Variants in ASTN2 observed in about 807,000 individuals in gnomAD.
The protein encoded by ASTN2 is astrotactin-2.
In ASTN2, 54 loss-of-function variants were observed where a neutral mutation model predicts 139.8. The ratio of observed to expected loss-of-function variants is 0.39; its 90% CI spans 0.31 to 0.48. The LOEUF (loss-of-function observed/expected upper bound fraction) is 0.48. Among genes scored for constraint, ASTN2 ranks in the 20% least tolerant of loss-of-function variants. The pLI, the probability that ASTN2 is intolerant of heterozygous loss-of-function variation, is 0.95. For missense variants in ASTN2, 1,565 were observed against 1,725.1 expected (o/e 0.91, Z 1.64); for synonymous variants, 756 against 719.5 (o/e 1.05, Z -0.81).
chr9:116,874,495 A>G (rs1833246273), intron 10 of ASTN2, among the ~76,000 whole-genome samples: 1 of 152,220 alleles, frequency 6.6e-6, no homozygotes, highest in African/African-American at 2.4e-5. Flanking sequence ...AGTCTTTAGA[A>G]CAAAGAGAAA....
chr9:117,072,054 T>G (rs1299787476), intron 5 of ASTN2, among the ~76,000 whole-genome samples: 1 of 152,110 alleles, frequency 6.6e-6, no homozygotes, highest in East Asian at 1.9e-4. Flanking sequence ...TTTTACAGAT[T>G]AAGACATTGA....
chr9:117,107,236 T>C (rs979658979), intron 4 of ASTN2, among the ~76,000 whole-genome samples: 1 of 152,204 alleles, frequency 6.6e-6, no homozygotes, highest in Non-Finnish European at 1.5e-5. Context: ...TTTTACATTG[T>C]TTCCAGTTTT....
chr9:117,336,162 G>C (rs1389980577), intron 1 of ASTN2, among the ~76,000 whole-genome samples: 1 of 152,122 alleles, frequency 6.6e-6, no homozygotes, highest in Non-Finnish European at 1.5e-5. Context: ...GGAGGTGCTG[G>C]GGAATGGTAA....
At chr9:117,376,737 TATG>T (rs777295644) in intron 1 of ASTN2, among the ~76,000 whole-genome samples, 11 of 152,168 alleles carry the variant, frequency 7.2e-5, no homozygotes, top group Non-Finnish European at 1.3e-4. Flanking sequence ...AAATCGGGGC[TATG>T]ATGTTTTCTT....
intron 9 of ASTN2, 137 bp from the exon 10 acceptor site, chr9:116,975,482 T>C (rs1417903504): frequency 1.5e-5 from 13 of 857,174 alleles, no homozygotes; most frequent in Non-Finnish European, 1.8e-5. Flanking sequence ...TAAGGAACAA[T>C]GTTGGCCAAC....
intron 19 of ASTN2, among the ~76,000 whole-genome samples, chr9:116,600,972 G>T (rs1854866790): frequency 6.6e-6 from 1 of 152,122 alleles, no homozygotes; most frequent in Admixed American, 6.5e-5. Flanking sequence ...TTAAAAAAAA[G>T]ATAAATATAA....
chr9:117,009,782 T>A (rs182553643), intron 6 of ASTN2, among the ~76,000 whole-genome samples: 64 of 152,328 alleles, frequency 4.2e-4, no homozygotes, highest in Non-Finnish European at 7.9e-4. Flanking sequence ...GAGGTCTATC[T>A]GTCAGGTCAC....
At chr9:116,666,273 G>A (rs1004739166) in intron 16 of ASTN2, among the ~76,000 whole-genome samples, 1 of 152,188 alleles carries the variant, frequency 6.6e-6, no homozygotes, top group Non-Finnish European at 1.5e-5. Context: ...CACTGCCTGA[G>A]TAATTCAGGT....
chr9:117,349,302 G>T (rs1686361789), intron 1 of ASTN2, among the ~76,000 whole-genome samples: 1 of 152,118 alleles, frequency 6.6e-6, no homozygotes, highest in Non-Finnish European at 1.5e-5. Flanking sequence ...ATTCCAGTTT[G>T]TTCCCTTATT....
intron 11 of ASTN2, among the ~76,000 whole-genome samples, chr9:116,834,143 G>A (rs1008428846): frequency 1.2e-4 from 18 of 152,300 alleles, no homozygotes; most frequent in Non-Finnish European, 2.1e-4. Flanking sequence ...TGATTCTATC[G>A]TGGTCAGAGA....
At chr9:116,694,200 A>G (rs1020361401) in intron 16 of ASTN2, among the ~76,000 whole-genome samples, 5 of 152,116 alleles carry the variant, frequency 3.3e-5, no homozygotes, top group Admixed American at 6.5e-5. Context: ...GAAGCTTTTC[A>G]ATTGAAGGAG....
chr9:117,332,264 A>G lies in ASTN2; in HGVS notation c.443-40751T>C, dbSNP rs184095318. 1.7e-3 allele frequency among the ~76,000 whole-genome samples: 264 copies of G among 152,290 alleles called. 1 individual carries two copies. The highest frequency in any genetic ancestry group is 8.9e-3 in the Admixed American group (136 of 15,282). On this transcript the variant is annotated intron_variant, in intron 1 of 22. Coordinates refer to ENST00000313400, the MANE Select transcript of ASTN2 (RefSeq NM_001365068.1). ...CACCCTTTATAGCATAACTTTCACA[A>G]CAAGCCTACAAAGTAGACAGGATTG...
intron 10 of ASTN2, among the ~76,000 whole-genome samples, chr9:116,941,925 C>A (rs1238986352): frequency 1.3e-5 from 2 of 151,130 alleles, no homozygotes; most frequent in Non-Finnish European, 2.9e-5. Flanking sequence ...GAACACTGGG[C>A]CAGCAGACTA....
At chr9:117,116,031 A>T (rs888007963) in intron 4 of ASTN2, among the ~76,000 whole-genome samples, 9 of 86,264 alleles carry the variant, frequency 1.0e-4, no homozygotes, top group African/African-American at 2.8e-4. Context: ...CCTCAAAAAA[A>T]AAATGCATAT....
At chr9:117,119,990 A>ATGTGTGTGTGTG (rs752111718) in intron 4 of ASTN2, among the ~76,000 whole-genome samples, 2,783 of 72,016 alleles carry the variant, frequency 0.039, 104 homozygotes, top group Non-Finnish European at 0.052. Flanking sequence ...ATATATTTGT[A>ATGTGTGTGTGTG]TGTGTGTGTG....
At chr9:116,537,708 T>C (rs1337499023) in intron 19 of ASTN2, among the ~76,000 whole-genome samples, 2 of 152,186 alleles carry the variant, frequency 1.3e-5, no homozygotes, top group Non-Finnish European at 2.9e-5. Flanking sequence ...AGAACTCCAC[T>C]GACTATCATA....
intron 10 of ASTN2, among the ~76,000 whole-genome samples, chr9:116,940,026 A>G (rs751882206): frequency 1.3e-5 from 2 of 152,248 alleles, no homozygotes; most frequent in African/African-American, 4.8e-5. Context: ...AGCACATACA[A>G]TTATGTACAG....
chr9:116,651,486 G>T lies in ASTN2; in HGVS notation c.3072+42C>A, dbSNP rs755361746. 2.5e-6 allele frequency: 4 copies of T among 1,597,850 alleles called. No homozygotes were observed. The African/African-American group carries it at 5.4e-5, about 21-fold the overall frequency. ...GTCCACAAGGGTAGGAGGTAGGAGG[G>T]CTGGTCAAGTTTGACTGAGTGGCTG... is the stretch of plus-strand genomic sequence containing the variant. On this transcript the variant is annotated intron_variant, in intron 17 of 22. Transcript: ENST00000313400.
intron 3 of ASTN2, among the ~76,000 whole-genome samples, chr9:117,192,391 G>GAAAAAAAAA (rs56332042): frequency 0.027 from 4,003 of 149,404 alleles, 151 homozygotes; most frequent in African/African-American, 0.085. Context: ...CAGTGGCAAA[G>GAAAAAAAAA]AAAAAAAAGA....
Sources: allele counts gnomAD v4.1 joint callset (sites outside exome capture counted in the v4.1 genomes callset), GRCh38; gene constraint gnomAD v4.1.1; transcripts MANE v1.5; gene names NCBI Gene and HGNC (gene_info 2026-07-23, HGNC 2026-07-21).